The following DAAM1 variants were observed in gnomAD, a reference collection of about 807,000 sequenced individuals.
DAAM1 encodes the protein dishevelled associated activator of morphogenesis 1.
DAAM1 carries 52 observed loss-of-function variants against 130.0 expected under a neutral mutation model. The ratio of observed to expected loss-of-function variants is 0.40; its 90% CI spans 0.32 to 0.50. The LOEUF (loss-of-function observed/expected upper bound fraction) is 0.50, where lower values mean the gene tolerates loss of function less well. DAAM1 is among the 20% of genes least tolerant of loss of function. DAAM1 has a pLI of 0.61. For missense variants in DAAM1, 1,134 were observed against 1,303.8 expected (o/e 0.87, Z 2.01); for synonymous variants, 452 against 444.5 (o/e 1.02, Z -0.21).
intron 15 of DAAM1, among the ~76,000 whole-genome samples, chr14:59,338,061 G>C (rs533634909): frequency 6.6e-6 from 1 of 152,264 alleles, no homozygotes; most frequent in South Asian, 2.1e-4. Flanking sequence ...ATTTCAAAGA[G>C]GATTTATTCC....
Position 59,330,628 on chromosome 14 carries a change from G to A in DAAM1, c.1500G>A (p.Glu500=). The change falls in exon 13 of 25, where the codon GAG becomes GAA. Residue 500 remains glutamate (E), a synonymous_variant. Coordinates refer to ENST00000360909, the MANE Select transcript of DAAM1 (RefSeq NM_001270520.2). ...MKEKLEKETT[E]HKQVKQQVAD... ...AGAAACTTGAAAAGGAGACTACTGA[G>A]CATAAGCAAGTCAAGCAGCAGGTGG... 6.2e-7 allele frequency: 1 copy of A among 1,613,972 alleles called. No homozygotes were observed. Among genetic ancestry groups the A allele is most frequent in the Non-Finnish European group, 8.5e-7 (1 of 1,179,976 alleles).
chr14:59,349,904 C>T (rs1479746493), intron 17 of DAAM1, among the ~76,000 whole-genome samples: 1 of 152,028 alleles, frequency 6.6e-6, no homozygotes, highest in East Asian at 1.9e-4. Flanking sequence ...GTGGGCTCAG[C>T]ACAAGTTTGC....
chr14:59,222,716 C>G (rs1051756539), intron 1 of DAAM1, among the ~76,000 whole-genome samples: 1 of 152,222 alleles, frequency 6.6e-6, no homozygotes, highest in Non-Finnish European at 1.5e-5. Context: ...CTTTGGTAAG[C>G]ATTCACATAG....
chr14:59,363,087 A>G (rs1322278762), intron 22 of DAAM1: 1 of 152,688 alleles, frequency 6.5e-6, no homozygotes, highest in Non-Finnish European at 1.5e-5. Context: ...AATTAACAAG[A>G]GACTAATTCC....
chr14:59,279,869 G>T (rs915163278), intron 2 of DAAM1, among the ~76,000 whole-genome samples: 5 of 152,088 alleles, frequency 3.3e-5, no homozygotes, highest in Non-Finnish European at 2.9e-5. Flanking sequence ...GATATATAAA[G>T]AATTACTTTA....
intron 22 of DAAM1, among the ~76,000 whole-genome samples, chr14:59,361,224 AGTAGAACTTCTCT>A (rs1482136856): frequency 6.6e-6 from 1 of 152,218 alleles, no homozygotes; most frequent in African/African-American, 2.4e-5. Context: ...TCGGTAGAGC[AGTAGAACTTCTCT>A]GTAGAACTTC....
chr14:59,237,978 G>A (rs1338937994), intron 1 of DAAM1, among the ~76,000 whole-genome samples: 1 of 152,170 alleles, frequency 6.6e-6, no homozygotes, highest in Non-Finnish European at 1.5e-5. Flanking sequence ...CATCATTGAA[G>A]CCATTTAGAG....
At chr14:59,313,753 T>G (rs2139603297) in intron 3 of DAAM1, among the ~76,000 whole-genome samples, 1 of 152,362 alleles carries the variant, frequency 6.6e-6, no homozygotes, top group East Asian at 1.9e-4. Flanking sequence ...GGTTTAGCAT[T>G]TATACTACCA....
chr14:59,272,517 C>T (rs1287537405), intron 2 of DAAM1, among the ~76,000 whole-genome samples: 3 of 152,036 alleles, frequency 2.0e-5, no homozygotes, highest in Non-Finnish European at 4.4e-5. Flanking sequence ...ATGGAGGTTG[C>T]AGTGAGCCGA....
chr14:59,359,357 T>C (rs1886613604), intron 20 of DAAM1, 40 bp from the exon 21 acceptor site: 1 of 1,424,654 alleles, frequency 7.0e-7, no homozygotes, highest in Non-Finnish European at 9.8e-7. Context: ...TAAATGAAAA[T>C]AATTTGAATG....
rs78051421 is a variant in DAAM1 at position 59,322,526 on chromosome 14, G to A, written c.441-366G>A. On this transcript the variant is annotated intron_variant, in intron 5 of 24. Transcript: ENST00000360909. Reference sequence around the variant, plus strand: ...GAAAAAAAAAAAAAGGATTGGGGTGGGGGCATGGGAACTGTATGCTAAATA... The same window carrying A: ...GAAAAAAAAAAAAAGGATTGGGGTGAGGGCATGGGAACTGTATGCTAAATA... Among the ~76,000 whole-genome samples, 280 of 151,984 alleles carry A rather than the reference G, an allele frequency of 1.8e-3. 3 individuals carry two copies. Among genetic ancestry groups the A allele is most frequent in the African/African-American group, 6.5e-3 (269 of 41,466 alleles).
intron 1 of DAAM1, among the ~76,000 whole-genome samples, chr14:59,202,070 A>G (rs187370069): frequency 4.7e-4 from 72 of 152,364 alleles, no homozygotes; most frequent in African/African-American, 1.7e-3. Flanking sequence ...AATCAGTACC[A>G]TGAGCATCCT....
intron 8 of DAAM1, among the ~76,000 whole-genome samples, chr14:59,325,211 T>C (rs1431681403): frequency 1.3e-5 from 2 of 152,198 alleles, no homozygotes; most frequent in African/African-American, 2.4e-5. Flanking sequence ...CTGATGTGTT[T>C]GTCTTCATAA....
chr14:59,288,858 A>AGG (rs1883580843), intron 2 of DAAM1, among the ~76,000 whole-genome samples: 1 of 141,684 alleles, frequency 7.1e-6, no homozygotes, highest in Non-Finnish European at 1.6e-5. Context: ...AGAGAGAGAG[A>AGG]GAGCGCGCGA....
chr14:59,253,233 C>A (rs1039418727), intron 1 of DAAM1, among the ~76,000 whole-genome samples: 1 of 152,196 alleles, frequency 6.6e-6, no homozygotes, highest in Non-Finnish European at 1.5e-5. Flanking sequence ...TAAAGTCATT[C>A]CAAGAAAGAA....
chr14:59,368,518 T>G, intron 24 of DAAM1, 132 bp from the exon 25 acceptor site: 1 of 914,796 alleles, frequency 1.1e-6, no homozygotes, highest in East Asian at 2.7e-5. Context: ...TCTTGTGATA[T>G]CCAAAGGGGG....
intron 1 of DAAM1, among the ~76,000 whole-genome samples, chr14:59,195,640 G>C (rs1594750606): frequency 6.6e-6 from 1 of 152,212 alleles, no homozygotes; most frequent in African/African-American, 2.4e-5. Context: ...GGAAAATGTT[G>C]CCTATCTGAT....
At chr14:59,231,516 G>A (rs1316377076) in intron 1 of DAAM1, among the ~76,000 whole-genome samples, 2 of 152,104 alleles carry the variant, frequency 1.3e-5, no homozygotes, top group Non-Finnish European at 2.9e-5. Context: ...TTAAAAACAC[G>A]TTATTATTTT....
chr14:59,361,926 T>C (rs1322658676), intron 22 of DAAM1, among the ~76,000 whole-genome samples: 1 of 149,174 alleles, frequency 6.7e-6, no homozygotes, highest in Non-Finnish European at 1.5e-5. Flanking sequence ...TAGAAAGTAG[T>C]TGAATTAATT....
Sources: gnomAD v4.1 joint callset for allele counts (sites outside exome capture counted in the v4.1 genomes callset) on GRCh38, gnomAD v4.1.1 for gene constraint, MANE v1.5 for transcripts, NCBI Gene and HGNC (gene_info 2026-07-23, HGNC 2026-07-21) for gene names.